The following SH3D19 variants were observed in gnomAD, a reference collection of about 807,000 sequenced individuals.
SH3D19 encodes the protein SH3 domain-containing protein 19.
In SH3D19, 58 loss-of-function variants were observed where a neutral mutation model predicts 112.1. The observed-to-expected ratio is 0.52, with a 90% confidence interval of 0.42 to 0.64. The LOEUF (loss-of-function observed/expected upper bound fraction) is 0.64. SH3D19 is among the 30% of genes least tolerant of loss of function. The probability of loss-of-function intolerance (pLI) is 0.00; values close to 1 mark genes in which losing one functional copy is unlikely to be tolerated. For synonymous variants in SH3D19, 391 were observed against 448.5 expected (o/e 0.87, Z 1.62); for missense variants, 1,090 against 1,263.4 (o/e 0.86, Z 2.08).
At chr4:151,258,444 T>C (rs1326683013) in intron 1 of SH3D19, among the ~76,000 whole-genome samples, 1 of 152,156 alleles carries the variant, frequency 6.6e-6, no homozygotes, top group Non-Finnish European at 1.5e-5. Context: ...AGGGGAGAAT[T>C]AAATGGGCAC....
chr4:151,250,982 C>T (rs1258497990), intron 1 of SH3D19, among the ~76,000 whole-genome samples: 1 of 152,104 alleles, frequency 6.6e-6, no homozygotes, highest in African/African-American at 2.4e-5. Flanking sequence ...GCACAGACCC[C>T]AGAATACTCC....
intron 1 of SH3D19, among the ~76,000 whole-genome samples, chr4:151,306,481 A>G (rs75368782): frequency 1.3e-5 from 2 of 152,330 alleles, no homozygotes; most frequent in African/African-American, 2.4e-5. Context: ...GATATGCTAA[A>G]AAGTTGGTAC....
intron 1 of SH3D19, among the ~76,000 whole-genome samples, chr4:151,245,687 C>T (rs1316929315): frequency 1.3e-5 from 2 of 152,130 alleles, no homozygotes; most frequent in African/African-American, 4.8e-5. Flanking sequence ...CTGCAACCTC[C>T]GCCTCCCAGG....
At position 151,324,960 on chromosome 4, in the gene SH3D19, A is replaced by G. The variant is rs375152313; in HGVS notation, c.112+281T>C. On this transcript the variant is annotated intron_variant, in intron 1 of 19. Coordinates refer to ENST00000604030, the MANE Select transcript of SH3D19 (RefSeq NM_001378122.1). ...AGAGATAAGTCATCAACCAGGCCAC[A>G]AGTCCCAAGCCAGCAGCTCCTGGAT... is the stretch of plus-strand genomic sequence containing the variant. Among the ~76,000 whole-genome samples, 68 of 152,178 alleles carry G rather than the reference A, an allele frequency of 4.5e-4. No individual in the cohort carries two copies. In the East Asian group the frequency reaches 0.011, roughly 24 times the overall value.
chr4:151,170,473 T>C (rs907576709), intron 7 of SH3D19: 7 of 152,046 alleles, frequency 4.6e-5, no homozygotes, highest in African/African-American at 7.2e-5. Context: ...AAACTCTTTT[T>C]CTGGGGTTCA....
At chr4:151,261,437 T>C (rs933116959) in intron 1 of SH3D19, 1 of 152,418 alleles carries the variant, frequency 6.6e-6, no homozygotes, top group African/African-American at 2.4e-5. Flanking sequence ...CAGTTTCTGT[T>C]AGCCCTGTTG....
intron 1 of SH3D19, chr4:151,291,229 G>A (rs892619157): frequency 1.3e-5 from 21 of 1,613,728 alleles, no homozygotes; most frequent in Non-Finnish European, 1.8e-5. Flanking sequence ...CTACACCAAT[G>A]TAATCTACTA....
At position 151,173,752 on chromosome 4, in the gene SH3D19, CT is replaced by C. The variant is rs141000169; in HGVS notation, c.1534+917del. 8.4e-4 allele frequency among the ~76,000 whole-genome samples: 128 copies of C among 152,310 alleles called. 1 individual carries two copies. The highest frequency in any genetic ancestry group is 2.1e-3 in the African/African-American group (87 of 41,562). Reference sequence around the variant, plus strand: ...CACACCTGTGCTATGCAGAATGTGGCTGTGAAATCACAGAGCCTGTACTATT... The same window carrying C: ...CACACCTGTGCTATGCAGAATGTGGCGTGAAATCACAGAGCCTGTACTATT... On this transcript the variant is annotated intron_variant, in intron 7 of 19. Coordinates refer to ENST00000604030, the MANE Select transcript of SH3D19 (RefSeq NM_001378122.1).
intron 1 of SH3D19, among the ~76,000 whole-genome samples, chr4:151,320,643 A>C (rs1730440923): frequency 6.6e-6 from 1 of 152,244 alleles, no homozygotes; most frequent in South Asian, 2.1e-4. Flanking sequence ...ACACATAACC[A>C]ACAAAAGTTG....
intron 1 of SH3D19, among the ~76,000 whole-genome samples, chr4:151,318,623 T>C (rs955458139): frequency 1.3e-5 from 2 of 152,208 alleles, no homozygotes; most frequent in East Asian, 1.9e-4. Context: ...AAAGGAGACA[T>C]AAAATAAGTG....
chr4:151,254,113 C>T lies in SH3D19; in HGVS notation c.113-28027G>A, dbSNP rs545210583. ...TCCTCATCTATAAAGGGAATGAAAACATGCGTTACCCTCTGTGTGAATGAA... is the reference window on the plus strand; with the variant it reads ...TCCTCATCTATAAAGGGAATGAAAATATGCGTTACCCTCTGTGTGAATGAA... On this transcript the variant is annotated intron_variant, in intron 1 of 19. Coordinates refer to ENST00000604030, the MANE Select transcript of SH3D19 (RefSeq NM_001378122.1). Among the ~76,000 whole-genome samples, 4 of 152,306 alleles carry T rather than the reference C, an allele frequency of 2.6e-5. No homozygotes were observed. In the South Asian group the frequency reaches 8.3e-4, roughly 32 times the overall value.
intron 2 of SH3D19, among the ~76,000 whole-genome samples, chr4:151,196,240 T>TA: frequency 6.6e-6 from 1 of 152,088 alleles, no homozygotes; most frequent in Non-Finnish European, 1.5e-5. Flanking sequence ...CTGGGCAACA[T>TA]AGTGAGACCC....
At chr4:151,219,127 T>C (rs762933241) in intron 2 of SH3D19, among the ~76,000 whole-genome samples, 1 of 152,188 alleles carries the variant, frequency 6.6e-6, no homozygotes, top group Non-Finnish European at 1.5e-5. Flanking sequence ...TCTGTGTACT[T>C]CCTTGTAAAA....
chr4:151,243,413 G>A (rs535324667), intron 1 of SH3D19, among the ~76,000 whole-genome samples: 2 of 152,310 alleles, frequency 1.3e-5, no homozygotes, highest in South Asian at 4.1e-4. Context: ...ATTAAGATGT[G>A]GTAGTGAAAT....
chr4:151,175,680 G>A lies in SH3D19; in HGVS notation c.530-6C>T, dbSNP rs778985986. 55 of 1,246,826 alleles carry A rather than the reference G, an allele frequency of 4.4e-5. No individual in the cohort carries two copies. The highest frequency in any genetic ancestry group is 1.2e-4 in the South Asian group (3 of 25,912). 77.2% of individuals were successfully genotyped at this position (1,246,826 alleles called of 1,614,324 possible). A position where few individuals can be genotyped will look rare whatever the true frequency, so the allele number is the denominator to read the frequency against. On this transcript the variant is annotated splice_region_variant and splice_polypyrimidine_tract_variant and intron_variant, in intron 6 of 19. Transcript: ENST00000604030. ...CTTGAGAGGTGCCTGTAGTGCTGACGAGACCAAAACAAAACCAAAACAAAT... is the reference window on the plus strand; with the variant it reads ...CTTGAGAGGTGCCTGTAGTGCTGACAAGACCAAAACAAAACCAAAACAAAT...
rs368920520 is a variant in SH3D19, at chr4:151,159,325, G to A, written c.1670C>T (p.Pro557Leu). The change falls in exon 9 of 20, where the codon CCT becomes CTT. Residue 557 changes from proline (P) to leucine (L), a missense_variant. Coordinates refer to ENST00000604030, the MANE Select transcript of SH3D19 (RefSeq NM_001378122.1). ...KCLHEDPQSP[P>L]PLPAEKPIGN... ...AATAGGTTTTTCAGCAGGGAGAGGA[G>A]GTGGACTTTGTGGATCCTCATGTAA... 5.4e-5 allele frequency: 85 copies of A among 1,584,092 alleles called. No individual in the cohort carries two copies. The highest frequency in any genetic ancestry group is 6.9e-5 in the Non-Finnish European group (81 of 1,169,366).
intron 9 of SH3D19, among the ~76,000 whole-genome samples, chr4:151,157,981 C>T (rs1756430462): frequency 6.6e-6 from 1 of 152,032 alleles, no homozygotes. Context: ...TTAAATAATA[C>T]AAAATTAGAG....
At chr4:151,238,271 A>T (rs865851727) in intron 1 of SH3D19, among the ~76,000 whole-genome samples, 9 of 152,088 alleles carry the variant, frequency 5.9e-5, no homozygotes, top group Middle Eastern at 6.8e-3. Context: ...TTAAATGTAA[A>T]TTTTTTTATC....
At chr4:151,322,745 G>C (rs9790485) in intron 1 of SH3D19, among the ~76,000 whole-genome samples, 5 of 152,192 alleles carry the variant, frequency 3.3e-5, no homozygotes, top group Non-Finnish European at 7.3e-5. Flanking sequence ...CCTGTGCTCA[G>C]AACCTGCCTG....
Sources: allele counts gnomAD v4.1 joint callset (sites outside exome capture counted in the v4.1 genomes callset), GRCh38; gene constraint gnomAD v4.1.1; transcripts MANE v1.5; gene names NCBI Gene and HGNC (gene_info 2026-07-23, HGNC 2026-07-21).